YAP1: variants seen among roughly 807,000 people sequenced by gnomAD.
YAP1 encodes the protein transcriptional coactivator YAP1.
YAP1 carries 5 observed loss-of-function variants against 56.9 expected under a neutral mutation model. The observed-to-expected ratio is 0.09, with a 90% CI of 0.05 to 0.18. The LOEUF is 0.18. Ranked by LOEUF, YAP1 falls within the 10% of genes least tolerant of loss-of-function variation. YAP1 has a pLI of 1.00. For missense variants in YAP1, 539 were observed against 651.8 expected (o/e 0.83, Z 1.88); for synonymous variants, 265 against 248.1 (o/e 1.07, Z -0.64).
chr11:102,156,115 A>G (rs1383465776), intron 2 of YAP1, among the ~76,000 whole-genome samples: 1 of 152,194 alleles, frequency 6.6e-6, no homozygotes, highest in Non-Finnish European at 1.5e-5. Context: ...TGTAACCTAT[A>G]TAAGAAAGTT....
intron 2 of YAP1, among the ~76,000 whole-genome samples, chr11:102,133,524 A>G (rs1944496676): frequency 6.6e-6 from 1 of 152,176 alleles, no homozygotes; most frequent in South Asian, 2.1e-4. Flanking sequence ...TTCAAACTCC[A>G]AGGCCCAAGT....
At chr11:102,169,544 A>G (rs1460007963) in intron 3 of YAP1, among the ~76,000 whole-genome samples, 1 of 152,246 alleles carries the variant, frequency 6.6e-6, no homozygotes, top group Non-Finnish European at 1.5e-5. Context: ...AACAAAGCCC[A>G]AAGTCAGAGC....
intron 3 of YAP1, among the ~76,000 whole-genome samples, chr11:102,179,945 T>G (rs1178280694): frequency 6.6e-6 from 1 of 152,152 alleles, no homozygotes; most frequent in Non-Finnish European, 1.5e-5. Flanking sequence ...GAAACAATAT[T>G]TTGTTTTACA....
At chr11:102,119,108 GAGA>G (rs574602628) in intron 2 of YAP1, among the ~76,000 whole-genome samples, 46 of 151,828 alleles carry the variant, frequency 3.0e-4, no homozygotes, top group African/African-American at 9.2e-4. Context: ...TGAGTGGAGA[GAGA>G]AGATGAAAGT....
intron 3 of YAP1, among the ~76,000 whole-genome samples, chr11:102,166,505 G>C (rs1365328): frequency 0.038 from 5,858 of 152,304 alleles, 345 homozygotes; most frequent in African/African-American, 0.13. Context: ...TTTTTAAAAT[G>C]TTAGAGACAG....
chr11:102,183,831 C>G (rs1243277846), intron 3 of YAP1, among the ~76,000 whole-genome samples: 1 of 151,882 alleles, frequency 6.6e-6, no homozygotes, highest in African/African-American at 2.4e-5. Flanking sequence ...AATCCCAGCA[C>G]TTTGGGAGGC....
intron 6 of YAP1, among the ~76,000 whole-genome samples, chr11:102,220,958 A>G (rs921408346): frequency 3.3e-5 from 5 of 152,230 alleles, no homozygotes; most frequent in Non-Finnish European, 7.3e-5. Flanking sequence ...AACACTGATC[A>G]TCGTCTCAAA....
At chr11:102,186,666 GTT>G (rs112129520) in intron 4 of YAP1, 1 of 150,856 alleles carries the variant, frequency 6.6e-6, no homozygotes. Flanking sequence ...AAAAATAAAT[GTT>G]TTTTTTTCTT....
intron 6 of YAP1, among the ~76,000 whole-genome samples, chr11:102,212,771 G>T (rs1949471748): frequency 6.6e-6 from 1 of 152,080 alleles, no homozygotes; most frequent in Non-Finnish European, 1.5e-5. Flanking sequence ...GGTAGAGACA[G>T]GGTTTCTCCA....
chr11:102,175,464 T>G (rs1947189785), intron 3 of YAP1, among the ~76,000 whole-genome samples: 1 of 152,220 alleles, frequency 6.6e-6, no homozygotes, highest in African/African-American at 2.4e-5. Context: ...AGTAAATGTT[T>G]ATTTTCCCAT....
chr11:102,203,294 A>G (rs984429460), intron 4 of YAP1, among the ~76,000 whole-genome samples: 12 of 152,238 alleles, frequency 7.9e-5, no homozygotes, highest in African/African-American at 2.4e-4. Context: ...ATCAAATACA[A>G]TGTATGGACC....
chr11:102,143,826 G>C (rs1253101131), intron 2 of YAP1, among the ~76,000 whole-genome samples: 1 of 152,216 alleles, frequency 6.6e-6, no homozygotes, highest in Non-Finnish European at 1.5e-5. Context: ...TATGATAACT[G>C]TGAAAACAGT....
chr11:102,223,792 C>A, intron 7 of YAP1, 40 bp downstream of exon 7: 3 of 1,610,798 alleles, frequency 1.9e-6, no homozygotes, highest in East Asian at 2.2e-5. Context: ...TGAAAAGGAT[C>A]ATTGCTTTAA....
At chr11:102,122,895 C>CAAAAAAAAA (rs56934997) in intron 2 of YAP1, among the ~76,000 whole-genome samples, 6,060 of 79,098 alleles carry the variant, frequency 0.077, 509 homozygotes, top group Admixed American at 0.099. Flanking sequence ...AGACTTCTCT[C>CAAAAAAAAA]AAAAAAAAAA....
At chr11:102,194,340 G>C (rs1948463817) in intron 4 of YAP1, among the ~76,000 whole-genome samples, 2 of 152,104 alleles carry the variant, frequency 1.3e-5, no homozygotes, top group Admixed American at 1.3e-4. Context: ...TTCAGATTCT[G>C]TTTTGTTTTG....
chr11:102,172,926 T>C (rs1947003639), intron 3 of YAP1, among the ~76,000 whole-genome samples: 1 of 152,018 alleles, frequency 6.6e-6, no homozygotes. Context: ...CTGAGACATG[T>C]TTGGGGAACA....
intron 2 of YAP1, among the ~76,000 whole-genome samples, chr11:102,124,029 G>A (rs745881586): frequency 3.3e-5 from 5 of 150,826 alleles, no homozygotes; most frequent in African/African-American, 4.9e-5. Context: ...TCGGCTCATC[G>A]CAATCTCTGG....
chr11:102,170,031 A>T (rs1565225209), intron 3 of YAP1, among the ~76,000 whole-genome samples: 1 of 152,182 alleles, frequency 6.6e-6, no homozygotes, highest in African/African-American at 2.4e-5. Context: ...CTAGTATGGG[A>T]GTTCTTCTGA....
Position 102,114,046 on chromosome 11 carries a change from T to C in YAP1, c.322-98T>C. The C allele has an allele frequency of 3.0e-6, 4 of 1,334,500 alleles. 1 individual carries two copies. In the South Asian group the frequency reaches 5.4e-5, roughly 18 times the overall value. The allele number at this position is 1,334,500 out of a possible 1,614,324, so 82.7% of individuals were successfully genotyped here. ...AAATGTTGAAATTTTCCTTTGGTAC[T>C]TAGATATTCGGCTGCAATTAAGCGC... On this transcript the variant is annotated intron_variant, in intron 1 of 8. Transcript: ENST00000282441.
Sources: gnomAD v4.1 joint callset for allele counts (sites outside exome capture counted in the v4.1 genomes callset) on GRCh38, gnomAD v4.1.1 for gene constraint, MANE v1.5 for transcripts, NCBI Gene and HGNC (gene_info 2026-07-23, HGNC 2026-07-21) for gene names.